Variants in FOXK1 observed in about 807,000 individuals in gnomAD.
FOXK1 encodes the protein forkhead box protein K1.
A neutral mutation model predicts 51.9 loss-of-function variants in FOXK1; 19 were observed. The observed-to-expected ratio is 0.37, with a 90% CI of 0.26 to 0.54. The LOEUF (loss-of-function observed/expected upper bound fraction) is 0.54. Ranked by LOEUF, FOXK1 falls within the 20% of genes least tolerant of loss-of-function variation. FOXK1 has a pLI of 0.87. For synonymous variants in FOXK1, 537 were observed against 482.6 expected (o/e 1.11, Z -1.48); for missense variants, 870 against 1,032.7 (o/e 0.84, Z 2.16).
At chr7:4,687,590 G>A (rs1171713420) in intron 1 of FOXK1, among the ~76,000 whole-genome samples, 4 of 152,122 alleles carry the variant, frequency 2.6e-5, no homozygotes, top group Non-Finnish European at 4.4e-5. Context: ...TACTACGCCC[G>A]GCCCCAACTG....
rs564005942 is a variant in FOXK1 at position 4,738,062 on chromosome 7, C to T, written c.561-2776C>T. On this transcript the variant is annotated intron_variant, in intron 1 of 8. Coordinates refer to ENST00000328914, the MANE Select transcript of FOXK1 (RefSeq NM_001037165.2). The stretch of plus-strand genomic sequence containing the variant: ...ACTTGAATCCAGGAGGCTGAGGTTG[C>T]GGTGAGCCAAGATTGCGCCATTGCA... Among the ~76,000 whole-genome samples, 22 of 148,598 alleles carry T rather than the reference C, an allele frequency of 1.5e-4. No individual in the cohort carries two copies. The South Asian group carries it at 4.0e-3, about 27-fold the overall frequency.
chr7:4,697,038 T>C (rs1779962484), intron 1 of FOXK1, among the ~76,000 whole-genome samples: 1 of 152,092 alleles, frequency 6.6e-6, no homozygotes. Flanking sequence ...GCCACCGCAC[T>C]CCAGCCTGGG....
intron 1 of FOXK1, 70 bp from the exon 2 acceptor site, chr7:4,740,768 C>G: frequency 4.0e-6 from 6 of 1,486,660 alleles, no homozygotes; most frequent in Non-Finnish European, 5.4e-6. Context: ...CAGACACGCA[C>G]CTTCCCTGGG....
intron 1 of FOXK1, among the ~76,000 whole-genome samples, chr7:4,695,195 C>T (rs1044665907): frequency 3.9e-5 from 6 of 152,168 alleles, no homozygotes; most frequent in Non-Finnish European, 7.3e-5. Context: ...GATTCATCGC[C>T]GCTTGATGAA....
chr7:4,688,214 C>G (rs1352677829), intron 1 of FOXK1, among the ~76,000 whole-genome samples: 1 of 143,524 alleles, frequency 7.0e-6, no homozygotes, highest in Non-Finnish European at 1.5e-5. Context: ...CAGATGTCAT[C>G]TTACTTTGTC....
rs1203909994 is a variant in FOXK1 at position 4,731,776 on chromosome 7, A to G, written c.561-9062A>G. Among the ~76,000 whole-genome samples, 3 of 150,692 alleles carry G rather than the reference A, an allele frequency of 2.0e-5. No homozygotes were observed. Among genetic ancestry groups the G allele is most frequent in the African/African-American group, 2.4e-5 (1 of 40,942 alleles). On this transcript the variant is annotated intron_variant, in intron 1 of 8. Coordinates refer to ENST00000328914, the MANE Select transcript of FOXK1 (RefSeq NM_001037165.2). The surrounding 1 kb of genome is among the most constrained non-coding windows in gnomAD (Gnocchi z 5.3). Reference sequence around the variant, plus strand: ...TCTGCCTCAAAAAAAAAAAAAAAAAAAGAAAACAGAGAGGCCTGCTTATAA... The same window carrying G: ...TCTGCCTCAAAAAAAAAAAAAAAAAGAGAAAACAGAGAGGCCTGCTTATAA...
rs1192041673 is a variant in FOXK1 at position 4,683,448 on chromosome 7, C to G, written c.560+580C>G. Among the ~76,000 whole-genome samples, 1 of 151,938 alleles carries G rather than the reference C, an allele frequency of 6.6e-6. No individual in the cohort carries two copies. Among genetic ancestry groups the G allele is most frequent in the Non-Finnish European group, 1.5e-5 (1 of 67,936 alleles). On this transcript the variant is annotated intron_variant, in intron 1 of 8. Transcript: ENST00000328914. This position sits in a 1 kb window ranked among gnomAD's most constrained non-coding sequence, Gnocchi z 4.5. Reference sequence around the variant, plus strand: ...AGGCCCCCCCGGAGTCACCCCTGACCGCTAACCCCACAAGCCTGGGCTCGC... The same window carrying G: ...AGGCCCCCCCGGAGTCACCCCTGACGGCTAACCCCACAAGCCTGGGCTCGC...
At chr7:4,752,487 A>G (rs1476987589) in intron 2 of FOXK1, among the ~76,000 whole-genome samples, 3 of 152,224 alleles carry the variant, frequency 2.0e-5, no homozygotes, top group Non-Finnish European at 2.9e-5. Flanking sequence ...ACTGCTGGGA[A>G]CAGGAGCAGG....
intron 1 of FOXK1, among the ~76,000 whole-genome samples, chr7:4,690,229 AC>A (rs139496592): frequency 0.028 from 4,333 of 152,240 alleles, 90 homozygotes; most frequent in Non-Finnish European, 0.046. Context: ...ATGGTTTTGA[AC>A]CGGAGCTGGG....
rs1015573108 is a variant in FOXK1, at chr7:4,703,720, G to A, written c.560+20852G>A. ...GCAATTGACATAGCGCTGCTCGGGCGACCAGGAGGCCCTTCAGTGCTCCGG... is the reference window on the plus strand; with the variant it reads ...GCAATTGACATAGCGCTGCTCGGGCAACCAGGAGGCCCTTCAGTGCTCCGG... On this transcript the variant is annotated intron_variant, in intron 1 of 8. Coordinates refer to ENST00000328914, the MANE Select transcript of FOXK1 (RefSeq NM_001037165.2). The surrounding 1 kb of genome is among the most constrained non-coding windows in gnomAD (Gnocchi z 5.6). Among the ~76,000 whole-genome samples the A allele has an allele frequency of 6.6e-6, 1 of 152,194 alleles. No homozygotes were observed. Among genetic ancestry groups the A allele is most frequent in the African/African-American group, 2.4e-5 (1 of 41,442 alleles).
At chr7:4,737,650 C>T (rs1033507586) in intron 1 of FOXK1, among the ~76,000 whole-genome samples, 32 of 152,128 alleles carry the variant, frequency 2.1e-4, no homozygotes, top group African/African-American at 6.0e-4. Flanking sequence ...CACCTTAGGT[C>T]CCCTGCCTGG....
chr7:4,762,789 G>T lies in FOXK1; in HGVS notation c.*325G>T. 2.9e-6 allele frequency: 1 copy of T among 340,504 alleles called. No homozygotes were observed. Among genetic ancestry groups the T allele is most frequent in the South Asian group, 3.3e-5 (1 of 30,136 alleles). 21.1% of individuals were successfully genotyped at this position (340,504 alleles called of 1,614,324 possible). On this transcript the variant is annotated 3_prime_UTR_variant, in exon 9 of 9. Transcript: ENST00000328914. This position sits in a 1 kb window ranked among gnomAD's most constrained non-coding sequence, Gnocchi z 5.7. Reference sequence around the variant, plus strand: ...GGAGGTTGGAGCTCAGCATCTTGAGGAATGTGTCAAGACAGCCCCTCCGCT... The same window carrying T: ...GGAGGTTGGAGCTCAGCATCTTGAGTAATGTGTCAAGACAGCCCCTCCGCT...
At position 4,711,224 on chromosome 7, in the gene FOXK1, G is replaced by A. The variant is rs1043707025; in HGVS notation, c.560+28356G>A. Among the ~76,000 whole-genome samples, 3 of 152,186 alleles carry A rather than the reference G, an allele frequency of 2.0e-5. No individual in the cohort carries two copies. The highest frequency in any genetic ancestry group is 2.0e-4 in the Admixed American group (3 of 15,276). On this transcript the variant is annotated intron_variant, in intron 1 of 8. Transcript: ENST00000328914. This position sits in a 1 kb window ranked among gnomAD's most constrained non-coding sequence, Gnocchi z 6.3. ...TGTTCAGGAAGCGTTGTGCTGGTGTGCCCTCCTGGGTCCCGACACCTGGGG... is the reference window on the plus strand; with the variant it reads ...TGTTCAGGAAGCGTTGTGCTGGTGTACCCTCCTGGGTCCCGACACCTGGGG...
Position 4,733,372 on chromosome 7 carries a change from A to C in FOXK1, c.561-7466A>C, listed in dbSNP as rs1024400601. 6.6e-6 allele frequency among the ~76,000 whole-genome samples: 1 copy of C among 151,996 alleles called. No individual in the cohort carries two copies. The highest frequency in any genetic ancestry group is 1.5e-5 in the Non-Finnish European group (1 of 67,990). On this transcript the variant is annotated intron_variant, in intron 1 of 8. Coordinates refer to ENST00000328914, the MANE Select transcript of FOXK1 (RefSeq NM_001037165.2). This position sits in a 1 kb window ranked among gnomAD's most constrained non-coding sequence, Gnocchi z 5.0. ...GTCAGCTATGACCTGGAGGCACCAG[A>C]CTTTTTCTATTACGTTGCTTGTTGC...
chr7:4,763,698 C>T lies in FOXK1; in HGVS notation c.*1234C>T, dbSNP rs1225382292. ...TGGTTCTGGGGTCCCTGAGGAAGCC[C>T]CCTCCTGCACTTCCATTAAGACAGC... On this transcript the variant is annotated 3_prime_UTR_variant, in exon 9 of 9. Transcript: ENST00000328914. The T allele has an allele frequency of 6.6e-6, 1 of 152,296 alleles. No homozygotes were observed. Among genetic ancestry groups the T allele is most frequent in the African/African-American group, 2.4e-5 (1 of 41,470 alleles). The allele number at this position is 152,296 out of a possible 1,614,324, so 9.4% of individuals were successfully genotyped here. A position where few individuals can be genotyped will look rare whatever the true frequency, so the allele number is the denominator to read the frequency against.
rs1422399802 is a variant in FOXK1, at chr7:4,768,897, T to A, written c.*6433T>A. 6.6e-6 allele frequency: 1 copy of A among 152,160 alleles called. No homozygotes were observed. The highest frequency in any genetic ancestry group is 2.4e-5 in the African/African-American group (1 of 41,418). 9.4% of individuals were successfully genotyped at this position (152,160 alleles called of 1,614,324 possible). ...TGGAGAATGAAACCCTGAGGGTCAG[T>A]GAGTGGAGGCCTTCCCTCGGGGCCA... is the stretch of plus-strand genomic sequence containing the variant. On this transcript the variant is annotated 3_prime_UTR_variant, in exon 9 of 9. Transcript: ENST00000328914.
chr7:4,749,442 A>G lies in FOXK1; in HGVS notation c.747-5017A>G, dbSNP rs1780747157. Among the ~76,000 whole-genome samples the G allele has an allele frequency of 6.6e-6, 1 of 152,196 alleles. No homozygotes were observed. The highest frequency in any genetic ancestry group is 1.5e-5 in the Non-Finnish European group (1 of 68,012). ...AGCAGGGGCTGGGGCAGGGACCCCA[A>G]GCGTCCTCCTCTGCAGGGAGGTTCC... On this transcript the variant is annotated intron_variant, in intron 2 of 8. Transcript: ENST00000328914. This position sits in a 1 kb window ranked among gnomAD's most constrained non-coding sequence, Gnocchi z 6.0.
rs1031935889 is a variant in FOXK1 at position 4,683,325 on chromosome 7, C to T, written c.560+457C>T. ...TCCCCAGCTCCCATCGGCCTGGACTCCGGGGTCATTCTGAACTCCCACTGG... is the reference window on the plus strand; with the variant it reads ...TCCCCAGCTCCCATCGGCCTGGACTTCGGGGTCATTCTGAACTCCCACTGG... On this transcript the variant is annotated intron_variant, in intron 1 of 8. Transcript: ENST00000328914. The surrounding 1 kb of genome is among the most constrained non-coding windows in gnomAD (Gnocchi z 4.5). 1.3e-5 allele frequency among the ~76,000 whole-genome samples: 2 copies of T among 152,026 alleles called. No individual in the cohort carries two copies. Among genetic ancestry groups the T allele is most frequent in the Non-Finnish European group, 2.9e-5 (2 of 67,982 alleles).
rs1400115979 is a variant in FOXK1 at position 4,745,099 on chromosome 7, C to G, written c.746+4076C>G. 6.6e-6 allele frequency among the ~76,000 whole-genome samples: 1 copy of G among 152,248 alleles called. No individual in the cohort carries two copies. The highest frequency in any genetic ancestry group is 1.5e-5 in the Non-Finnish European group (1 of 68,050). ...TCCCTGCCACCTCCCCACTCTCCTC[C>G]TCTCTGGCTGCGCTCCCTAACAGAT... On this transcript the variant is annotated intron_variant, in intron 2 of 8. Transcript: ENST00000328914. The surrounding 1 kb of genome is among the most constrained non-coding windows in gnomAD (Gnocchi z 4.3).
Sources: allele counts gnomAD v4.1 joint callset (sites outside exome capture counted in the v4.1 genomes callset), GRCh38; gene constraint gnomAD v4.1.1; non-coding constraint Gnocchi (gnomAD v3.1); transcripts MANE v1.5; gene names NCBI Gene and HGNC (gene_info 2026-07-23, HGNC 2026-07-21).